The following METTL15 variants were observed in gnomAD, a reference collection of about 807,000 sequenced individuals.
METTL15 encodes methyltransferase 15, mitochondrial 12S rRNA N4-cytidine.
METTL15 carries 34 observed loss-of-function variants against 38.3 expected under a neutral mutation model. The observed-to-expected ratio is 0.89, with a 90% CI of 0.68 to 1.18. The LOEUF (loss-of-function observed/expected upper bound fraction) is 1.18. Among genes scored for constraint, METTL15 ranks in the 50% most tolerant of loss-of-function variants. METTL15 has a pLI of 0.00. For synonymous variants in METTL15, 162 were observed against 170.9 expected, an observed-to-expected ratio of 0.95 and a Z score of 0.41; for missense variants, 438 against 498.4, an observed-to-expected ratio of 0.88 and a Z score of 1.15.
intron 6 of METTL15, among the ~76,000 whole-genome samples, chr11:28,309,675 G>T (rs928428602): frequency 6.6e-6 from 1 of 152,002 alleles, no homozygotes; most frequent in Admixed American, 6.6e-5. Flanking sequence ...TCTGGTTCTC[G>T]TTTATTTTCT....
chr11:28,143,740 C>T (rs982590751), intron 3 of METTL15, among the ~76,000 whole-genome samples: 1 of 152,140 alleles, frequency 6.6e-6, no homozygotes, highest in Non-Finnish European at 1.5e-5. Flanking sequence ...GAATGATCAG[C>T]ATGTAAGTAA....
At chr11:28,369,192 CT>C (rs1454834168) in intron 5 of METTL15, among the ~76,000 whole-genome samples, 2 of 151,448 alleles carry the variant, frequency 1.3e-5, no homozygotes, top group Non-Finnish European at 2.9e-5. Flanking sequence ...CCGACAAAAA[CT>C]TAATCAAGCA....
intron 6 of METTL15, among the ~76,000 whole-genome samples, chr11:28,311,944 A>G (rs1040271654): frequency 1.3e-5 from 2 of 152,232 alleles, no homozygotes; most frequent in African/African-American, 4.8e-5. Context: ...GCAGGTAGAG[A>G]TATCAGTGGC....
intron 5 of METTL15, among the ~76,000 whole-genome samples, chr11:28,407,903 C>T (rs1850687894): frequency 6.6e-6 from 1 of 152,116 alleles, no homozygotes; most frequent in Non-Finnish European, 1.5e-5. Flanking sequence ...CATGAAATCA[C>T]ACAAATGCCC....
chr11:28,377,817 A>T (rs375392236), intron 5 of METTL15, among the ~76,000 whole-genome samples: 1 of 136,404 alleles, frequency 7.3e-6, no homozygotes, highest in Non-Finnish European at 1.7e-5. Flanking sequence ...TTGATGATGA[A>T]GTACAGATGG....
chr11:28,172,064 G>A (rs981764647), intron 3 of METTL15, among the ~76,000 whole-genome samples: 2 of 152,138 alleles, frequency 1.3e-5, no homozygotes, highest in Non-Finnish European at 2.9e-5. Context: ...GCCTTCCGAA[G>A]TGTTGGGATT....
downstream of METTL15, among the ~76,000 whole-genome samples, chr11:28,337,623 T>C (rs1278675760): frequency 6.6e-6 from 1 of 152,164 alleles, no homozygotes; most frequent in Admixed American, 6.6e-5. Context: ...ACTCACTGAC[T>C]CAAAGCAACT....
chr11:28,305,262 C>T (rs1443277150), intron 6 of METTL15, among the ~76,000 whole-genome samples: 3 of 152,150 alleles, frequency 2.0e-5, no homozygotes, highest in African/African-American at 7.2e-5. Context: ...TCTAGCTGTT[C>T]TCAGTTTGTG....
chr11:28,421,574 T>C (rs1850820706), intron 5 of METTL15, among the ~76,000 whole-genome samples: 1 of 152,052 alleles, frequency 6.6e-6, no homozygotes, highest in African/African-American at 2.4e-5. Flanking sequence ...TGTATCAGTG[T>C]CATATGGCAT....
At chr11:28,353,950 AAAAG>A (rs1850067387) in intron 4 of METTL15, among the ~76,000 whole-genome samples, 1 of 151,796 alleles carries the variant, frequency 6.6e-6, no homozygotes, top group African/African-American at 2.4e-5. Context: ...AAAAAAAAAA[AAAAG>A]GTGTCAAGCA....
intron 5 of METTL15, among the ~76,000 whole-genome samples, chr11:28,381,332 A>G (rs1356060511): frequency 1.3e-5 from 2 of 151,984 alleles, no homozygotes; most frequent in African/African-American, 4.8e-5. Context: ...TTATTATTAT[A>G]TGCCTTAGGA....
chr11:28,421,615 A>T (rs1352395946), intron 5 of METTL15, among the ~76,000 whole-genome samples: 4 of 152,106 alleles, frequency 2.6e-5, no homozygotes, highest in African/African-American at 9.6e-5. Context: ...AATCCATATG[A>T]TCATTTCAAT....
intron 4 of METTL15, among the ~76,000 whole-genome samples, chr11:28,267,684 C>G (rs1236812642): frequency 6.6e-6 from 1 of 152,094 alleles, no homozygotes; most frequent in Non-Finnish European, 1.5e-5. Context: ...TCATTGTCTT[C>G]TCTACGTATA....
At chr11:28,151,621 C>A (rs1363920905) in intron 3 of METTL15, among the ~76,000 whole-genome samples, 1 of 151,952 alleles carries the variant, frequency 6.6e-6, no homozygotes, top group Non-Finnish European at 1.5e-5. Context: ...TGTTCACTAC[C>A]CTGTTTGCTC....
intron 6 of METTL15, among the ~76,000 whole-genome samples, chr11:28,483,192 G>T (rs947700499): frequency 1.3e-5 from 2 of 152,140 alleles, no homozygotes; most frequent in African/African-American, 2.4e-5. Context: ...CCCATTATGT[G>T]AGCACTTTGA....
chr11:28,320,312 T>C (rs965166081), intron 6 of METTL15, among the ~76,000 whole-genome samples: 1 of 151,910 alleles, frequency 6.6e-6, no homozygotes, highest in African/African-American at 2.4e-5. Context: ...TCACAGCACT[T>C]TGGGCAGCCA....
intron 6 of METTL15, among the ~76,000 whole-genome samples, chr11:28,500,129 T>C (rs962749508): frequency 2.0e-5 from 3 of 151,990 alleles, no homozygotes; most frequent in African/African-American, 7.3e-5. Context: ...TAGAAACTCC[T>C]GTAGTGGCTG....
chr11:28,458,338 G>A (rs1300120619), intron 6 of METTL15, among the ~76,000 whole-genome samples: 1 of 151,866 alleles, frequency 6.6e-6, no homozygotes, highest in Admixed American at 6.6e-5. Context: ...AATACTAGGG[G>A]GTTGTGATAT....
intron 6 of METTL15, among the ~76,000 whole-genome samples, chr11:28,425,044 A>G (rs976618412): frequency 1.3e-5 from 2 of 152,302 alleles, no homozygotes; most frequent in Non-Finnish European, 2.9e-5. Flanking sequence ...CATAGTTTTT[A>G]TAAGATCATT....
Sources: gnomAD v4.1 joint callset for allele counts (sites outside exome capture counted in the v4.1 genomes callset) on GRCh38, gnomAD v4.1.1 for gene constraint, MANE v1.5 for transcripts, NCBI Gene and HGNC (gene_info 2026-07-23, HGNC 2026-07-21) for gene names.